Variants in UTS2B observed in about 807,000 individuals in gnomAD.
The protein encoded by UTS2B is urotensin 2B, also known as urotensin-2B.
UTS2B carries 21 observed loss-of-function variants against 19.2 expected under a neutral mutation model. That is an observed-to-expected ratio of 1.09 (90% CI 0.78 to 1.58). The LOEUF is 1.58. Ranked by LOEUF, UTS2B falls within the 40% of genes most tolerant of loss-of-function variation. The pLI is 0.00. For synonymous variants in UTS2B, 57 were observed against 50.2 expected, an observed-to-expected ratio of 1.14 and a Z score of -0.58; for missense variants, 138 against 130.3, an observed-to-expected ratio of 1.06 and a Z score of -0.29.
rs1160889304 is a variant in UTS2B, at chr3:191,281,253, C to A, written c.103+834G>T. 4.6e-5 allele frequency among the ~76,000 whole-genome samples: 7 copies of A among 152,160 alleles called. No homozygotes were observed. The South Asian group carries it at 1.0e-3, about 23-fold the overall frequency. On this transcript the variant is annotated intron_variant, in intron 5 of 8. Coordinates refer to ENST00000340524, the MANE Select transcript of UTS2B (RefSeq NM_198152.5). ...TGACAAGGAAGTCAGAGGAGAGAAA[C>A]AGCAAGAATTTCAGGCTGGAAAAGG...
At chr3:191,305,189 TG>T (rs1717104698) in intron 3 of UTS2B, among the ~76,000 whole-genome samples, 1 of 152,206 alleles carries the variant, frequency 6.6e-6, no homozygotes, top group Non-Finnish European at 1.5e-5. Flanking sequence ...TACCTAGTAA[TG>T]GGATTGCTGG....
chr3:191,275,832 AAGAG>A (rs992655164), intron 7 of UTS2B, among the ~76,000 whole-genome samples: 1 of 152,148 alleles, frequency 6.6e-6, no homozygotes, highest in African/African-American at 2.4e-5. Context: ...AAAAACAAAA[AAGAG>A]AGAAGAAAAA....
chr3:191,312,758 TG>T, intron 3 of UTS2B, among the ~76,000 whole-genome samples: 1 of 152,196 alleles, frequency 6.6e-6, no homozygotes, highest in South Asian at 2.1e-4. Context: ...AACGTCATCT[TG>T]AGGATTGGCT....
intron 3 of UTS2B, among the ~76,000 whole-genome samples, chr3:191,312,843 A>G (rs148288775): frequency 3.7e-4 from 56 of 152,244 alleles, no homozygotes; most frequent in African/African-American, 1.3e-3. Context: ...AAAACCTACA[A>G]AGTGCTAACA....
At chr3:191,278,561 G>C (rs1259875092) in intron 5 of UTS2B, among the ~76,000 whole-genome samples, 1 of 151,926 alleles carries the variant, frequency 6.6e-6, no homozygotes, top group Non-Finnish European at 1.5e-5. Context: ...TCTATTTTGT[G>C]ATTTTATCTG....
intron 8 of UTS2B, among the ~76,000 whole-genome samples, chr3:191,269,555 T>C (rs9856076): frequency 0.52 from 78,455 of 150,926 alleles, 21,198 homozygotes; most frequent in Non-Finnish European, 0.59. Context: ...TTCCCCAGCC[T>C]GGACCACAGT....
chr3:191,292,684 C>T (rs1429804554), intron 4 of UTS2B, among the ~76,000 whole-genome samples: 2 of 152,134 alleles, frequency 1.3e-5, no homozygotes, highest in East Asian at 3.9e-4. Context: ...ACCTCCAGTA[C>T]AATGTTGAAT....
chr3:191,329,898 C>T (rs1308681429), intron 1 of UTS2B, among the ~76,000 whole-genome samples: 1 of 131,700 alleles, frequency 7.6e-6, no homozygotes, highest in Non-Finnish European at 1.5e-5. Context: ...GGACGTTGGG[C>T]AAGTCTCCGA....
chr3:191,273,534 T>G (rs879007938), intron 8 of UTS2B: 1 of 456,626 alleles, frequency 2.2e-6, no homozygotes, highest in African/African-American at 2.0e-5. Context: ...TTGGAGGCAG[T>G]TAAGCTGTAT....
chr3:191,275,637 A>G (rs552053745), intron 7 of UTS2B, among the ~76,000 whole-genome samples: 10 of 152,112 alleles, frequency 6.6e-5, no homozygotes, highest in East Asian at 3.9e-4. Flanking sequence ...CCGAGATTGC[A>G]CCACTGTACT....
In UTS2B at chr3:191,278,152, T is replaced by A; in HGVS notation, c.122A>T (p.Asp41Val). 1 of 1,540,954 alleles carries A rather than the reference T, an allele frequency of 6.5e-7. No individual in the cohort carries two copies. The highest frequency in any genetic ancestry group is 1.2e-5 in the South Asian group (1 of 80,814). Reference protein sequence around the residue: ...YLTQGNEIFPDKKYTNREELL... With the variant: ...YLTQGNEIFPVKKYTNREELL... ...TTCCTCACGATTTGTATATTTTTTATCTGGAAATATTTCATTTCCTATAAT... is the reference window on the plus strand; with the variant it reads ...TTCCTCACGATTTGTATATTTTTTAACTGGAAATATTTCATTTCCTATAAT... Residue 41 changes from aspartate (D) to valine (V), a missense_variant, in exon 6 of 9, where the codon GAT (aspartate) becomes GTT (valine). Asp to Val is a radical substitution (Grantham distance 152, BLOSUM62 -3). Transcript: ENST00000340524.
chr3:191,331,072 A>G (rs1717966817), upstream of UTS2B, among the ~76,000 whole-genome samples: 1 of 152,126 alleles, frequency 6.6e-6, no homozygotes, highest in Admixed American at 6.5e-5. Flanking sequence ...GCGGATCCAT[A>G]CTTTTGAGAG....
rs536791780 is a variant in UTS2B, at chr3:191,317,114, G to C, written c.-585-675C>G. On this transcript the variant is annotated intron_variant, in intron 2 of 8. Coordinates refer to ENST00000340524, the MANE Select transcript of UTS2B (RefSeq NM_198152.5). ...CCGTGCAGAGCCCATGGGGGTGGGG[G>C]CTCGGGCATAGCGGGCTGCAGTACC... is the stretch of plus-strand genomic sequence containing the variant. 7.3e-4 allele frequency among the ~76,000 whole-genome samples: 111 copies of C among 152,354 alleles called. 2 individuals are homozygous for C. The highest frequency in any genetic ancestry group is 2.5e-3 in the African/African-American group (105 of 41,592).
rs142205846 is a variant in UTS2B at position 191,283,004 on chromosome 3, T to C, written c.-124-691A>G. Reference sequence around the variant, plus strand: ...CAATTTTATGGCTCCAGTGATGTTATAGTATAATGACCTCCGATCTTGGCA... The same window carrying C: ...CAATTTTATGGCTCCAGTGATGTTACAGTATAATGACCTCCGATCTTGGCA... On this transcript the variant is annotated intron_variant, in intron 4 of 8. Transcript: ENST00000340524. Among the ~76,000 whole-genome samples, 13 of 152,308 alleles carry C rather than the reference T, an allele frequency of 8.5e-5. 1 individual carries two copies. In the East Asian group the frequency reaches 2.3e-3, roughly 27 times the overall value.
At chr3:191,294,864 A>T (rs1269607632) in intron 4 of UTS2B, 2 of 151,752 alleles carry the variant, frequency 1.3e-5, no homozygotes, top group Admixed American at 1.3e-4. Flanking sequence ...TCCCATCTCT[A>T]CTAAAAATAC....
At chr3:191,317,681 C>G (rs150535045) in intron 2 of UTS2B, among the ~76,000 whole-genome samples, 3 of 152,150 alleles carry the variant, frequency 2.0e-5, no homozygotes, top group African/African-American at 7.2e-5. Context: ...CTGGTTAATG[C>G]GATTCTCCTT....
At chr3:191,338,796 C>G in the UTS2B span, among the ~76,000 whole-genome samples, 3 of 152,178 alleles carry the variant, frequency 2.0e-5, no homozygotes, top group Non-Finnish European at 4.4e-5. Context: ...TTGTGATTGA[C>G]AACACCTGAA....
chr3:191,307,454 T>C (rs930665752), intron 3 of UTS2B, among the ~76,000 whole-genome samples: 4 of 152,176 alleles, frequency 2.6e-5, no homozygotes, highest in Non-Finnish European at 5.9e-5. Context: ...AAGTGGAGCA[T>C]GGACAAAGGA....
chr3:191,314,572 C>T (rs1717396642), intron 3 of UTS2B, among the ~76,000 whole-genome samples: 1 of 152,130 alleles, frequency 6.6e-6, no homozygotes, highest in Admixed American at 6.5e-5. Context: ...GTTTTGTATG[C>T]TAATGATTGA....
Sources: allele counts gnomAD v4.1 joint callset (sites outside exome capture counted in the v4.1 genomes callset), GRCh38; gene constraint gnomAD v4.1.1; transcripts MANE v1.5; gene names NCBI Gene and HGNC (gene_info 2026-07-23, HGNC 2026-07-21).